Variants in SH3RF3 observed in about 807,000 individuals in gnomAD.
SH3RF3 encodes the protein SH3 domain containing ring finger 3.
Under a neutral mutation model 66.3 loss-of-function variants are expected in SH3RF3, and 29 were observed. The ratio of observed to expected loss-of-function variants is 0.44; its 90% CI spans 0.33 to 0.60. SH3RF3 has a LOEUF of 0.60. SH3RF3 is among the 20% of genes least tolerant of loss of function. The pLI, the probability that SH3RF3 is intolerant of heterozygous loss-of-function variation, is 0.04. For missense variants in SH3RF3, 1,194 were observed against 1,190.9 expected (o/e 1.00, Z -0.04); for synonymous variants, 583 against 532.0 (o/e 1.10, Z -1.32).
intron 7 of SH3RF3, 100 bp from the exon 8 acceptor site, chr2:109,449,070 G>A: frequency 7.2e-7 from 1 of 1,384,258 alleles, no homozygotes; most frequent in Non-Finnish European, 9.8e-7. Context: ...GGCTGTGAGT[G>A]CTCGAGAAGG....
chr2:109,234,993 C>T (rs1167977875), intron 1 of SH3RF3, among the ~76,000 whole-genome samples: 1 of 152,194 alleles, frequency 6.6e-6, no homozygotes, highest in Non-Finnish European at 1.5e-5. Context: ...TTGACTATGG[C>T]ATATCTTTAT....
intron 1 of SH3RF3, among the ~76,000 whole-genome samples, chr2:109,209,346 AAACGTTT>A (rs1164543083): frequency 6.6e-6 from 1 of 152,166 alleles, no homozygotes; most frequent in Admixed American, 6.5e-5. Flanking sequence ...GTGTGCTGGC[AAACGTTT>A]AACAGTTGGC....
intron 1 of SH3RF3, among the ~76,000 whole-genome samples, chr2:109,217,834 C>T (rs1040341361): frequency 5.3e-5 from 8 of 152,190 alleles, no homozygotes; most frequent in Non-Finnish European, 1.5e-5. Context: ...ACCAGCTTCC[C>T]CCAGGCAGGG....
At position 109,374,454 on chromosome 2, in the gene SH3RF3, C is replaced by T. The variant is rs79029717; in HGVS notation, c.945+2773C>T. On this transcript the variant is annotated intron_variant, in intron 3 of 9. Transcript: ENST00000309415. Reference sequence around the variant, plus strand: ...ACACACCACATGGATCCTGGTGGATCGGAAAGTCCTGGTTTGGCCCAAACT... The same window carrying T: ...ACACACCACATGGATCCTGGTGGATTGGAAAGTCCTGGTTTGGCCCAAACT... Among the ~76,000 whole-genome samples the T allele has an allele frequency of 6.4e-3, 969 of 152,306 alleles. 10 individuals are homozygous for T. Among genetic ancestry groups the T allele is most frequent in the East Asian group, 0.048 (250 of 5,158 alleles).
chr2:109,179,011 G>GTGTC (rs1678002786), intron 1 of SH3RF3, among the ~76,000 whole-genome samples: 1 of 148,744 alleles, frequency 6.7e-6, no homozygotes, highest in African/African-American at 2.6e-5. Context: ...TAATGTGTGT[G>GTGTC]TGTGTGTGTG....
intron 1 of SH3RF3, among the ~76,000 whole-genome samples, chr2:109,345,622 A>G (rs1682673503): frequency 6.6e-6 from 1 of 152,196 alleles, no homozygotes; most frequent in Non-Finnish European, 1.5e-5. Context: ...CATCCCTTCA[A>G]AACTGCTCGC....
At position 109,170,217 on chromosome 2, in the gene SH3RF3, TTTTTCTCTTCTCTTCTCTTCTTTTC is replaced by T. The variant is rs777645406; in HGVS notation, c.573+40126_573+40150del. Among the ~76,000 whole-genome samples, 576 of 150,758 alleles carry T rather than the reference TTTTTCTCTTCTCTTCTCTTCTTTTC, an allele frequency of 3.8e-3. 15 individuals are homozygous for T. Among genetic ancestry groups the T allele is most frequent in the African/African-American group, 0.012 (509 of 40,772 alleles). ...AACGAGATGTTTTCTTTCTCTCTCT[TTTTTCTCTTCTCTTCTCTTCTTTTC>T]TTTTCTCTTCTCTTCTCTTCTCTTC... On this transcript the variant is annotated intron_variant, in intron 1 of 9. Coordinates refer to ENST00000309415, the MANE Select transcript of SH3RF3 (RefSeq NM_001099289.3).
chr2:109,380,871 C>A (rs562600039), intron 3 of SH3RF3, among the ~76,000 whole-genome samples: 47 of 152,344 alleles, frequency 3.1e-4, no homozygotes, highest in African/African-American at 1.1e-3. Context: ...TAATTCAGGG[C>A]CTTTGGAGGC....
At chr2:109,456,364 A>G (rs1279114725) in intron 8 of SH3RF3, among the ~76,000 whole-genome samples, 1 of 152,198 alleles carries the variant, frequency 6.6e-6, no homozygotes, top group East Asian at 1.9e-4. Flanking sequence ...AAATGAACCC[A>G]TCCTGAAAGC....
intron 1 of SH3RF3, among the ~76,000 whole-genome samples, chr2:109,297,594 G>T (rs1426627124): frequency 7.0e-6 from 1 of 142,598 alleles, no homozygotes; most frequent in African/African-American, 2.7e-5. Flanking sequence ...AACCCAGTCA[G>T]TGCCCCCAAC....
chr2:109,457,756 C>T (rs555221793), intron 8 of SH3RF3, among the ~76,000 whole-genome samples: 1 of 152,266 alleles, frequency 6.6e-6, no homozygotes, highest in South Asian at 2.1e-4. Flanking sequence ...GGATTTTTTT[C>T]CAGCCGTCCA....
chr2:109,228,094 CTT>C (rs1445523496), intron 1 of SH3RF3, among the ~76,000 whole-genome samples: 3 of 152,192 alleles, frequency 2.0e-5, no homozygotes, highest in African/African-American at 7.2e-5. Flanking sequence ...TTTACTCTCT[CTT>C]GACACATACA....
intron 7 of SH3RF3, among the ~76,000 whole-genome samples, chr2:109,438,587 G>A (rs1677476059): frequency 6.6e-6 from 1 of 152,150 alleles, no homozygotes; most frequent in Non-Finnish European, 1.5e-5. Flanking sequence ...AATGATTCTT[G>A]GTTTTCACAC....
At chr2:109,165,058 G>A (rs887446371) in intron 1 of SH3RF3, among the ~76,000 whole-genome samples, 2 of 152,172 alleles carry the variant, frequency 1.3e-5, no homozygotes, top group Non-Finnish European at 2.9e-5. Flanking sequence ...ATCTCTGTTG[G>A]CAGTGGGCCT....
At chr2:109,371,745 G>T (rs1683277556) in intron 3 of SH3RF3, 64 bp downstream of exon 3, 2 of 1,429,382 alleles carry the variant, frequency 1.4e-6, no homozygotes, top group African/African-American at 2.8e-5. Context: ...ACTACAGTGG[G>T]GTCACCTGAC....
intron 5 of SH3RF3, among the ~76,000 whole-genome samples, chr2:109,421,543 A>T (rs1227511124): frequency 4.6e-5 from 7 of 152,184 alleles, no homozygotes; most frequent in Admixed American, 1.3e-4. Flanking sequence ...CATGTCCTGG[A>T]TGGCTTCTAA....
At chr2:109,410,984 CAA>C (rs1676573150) in intron 4 of SH3RF3, among the ~76,000 whole-genome samples, 1 of 152,174 alleles carries the variant, frequency 6.6e-6, no homozygotes, top group African/African-American at 2.4e-5. Context: ...TCACTCCTGC[CAA>C]GTCTTTACTA....
chr2:109,446,878 C>T (rs1677720254), intron 7 of SH3RF3, among the ~76,000 whole-genome samples: 1 of 152,234 alleles, frequency 6.6e-6, no homozygotes, highest in South Asian at 2.1e-4. Flanking sequence ...CTGGTGCAGT[C>T]CCAACGCCGA....
intron 8 of SH3RF3, among the ~76,000 whole-genome samples, chr2:109,485,917 C>T (rs1573291203): frequency 1.3e-5 from 2 of 152,282 alleles, no homozygotes; most frequent in South Asian, 2.1e-4. Flanking sequence ...CTCCTACACA[C>T]CTACCAGCAC....
Sources: gnomAD v4.1 joint callset for allele counts (sites outside exome capture counted in the v4.1 genomes callset) on GRCh38, gnomAD v4.1.1 for gene constraint, MANE v1.5 for transcripts, NCBI Gene and HGNC (gene_info 2026-07-23, HGNC 2026-07-21) for gene names.